Variants in SYNJ2BP observed in about 807,000 individuals in gnomAD.
SYNJ2BP encodes the protein synaptojanin-2-binding protein.
Under a neutral mutation model 16.9 loss-of-function variants are expected in SYNJ2BP, and 10 were observed. That is an observed-to-expected ratio of 0.59 (90% CI 0.36 to 1.00). The LOEUF (loss-of-function observed/expected upper bound fraction) is 1.00. Among genes scored for constraint, SYNJ2BP ranks in the 50% least tolerant of loss-of-function variants. The pLI is 0.01. For missense variants in SYNJ2BP, 162 were observed against 186.7 expected (o/e 0.87, Z 0.77); for synonymous variants, 54 against 68.4 (o/e 0.79, Z 1.04).
chr14:70,404,212 T>C (rs1344096986), intron 1 of SYNJ2BP, among the ~76,000 whole-genome samples: 2 of 151,632 alleles, frequency 1.3e-5, no homozygotes, highest in Non-Finnish European at 2.9e-5. Flanking sequence ...GGTGCACTAC[T>C]GTAGGCCTGG....
rs1887544940 is a variant in SYNJ2BP, at chr14:70,372,845, G to A, written c.*146C>T. On this transcript the variant is annotated 3_prime_UTR_variant, in exon 4 of 4. Coordinates refer to ENST00000256366, the MANE Select transcript of SYNJ2BP (RefSeq NM_018373.3). ...CTTTCCCATTAGAATATGAAGAATTGGAGACTGTGAACAGCAAGGTTTGGG... is the reference window on the plus strand; with the variant it reads ...CTTTCCCATTAGAATATGAAGAATTAGAGACTGTGAACAGCAAGGTTTGGG... The A allele has an allele frequency of 4.2e-6, 5 of 1,176,500 alleles. No individual in the cohort carries two copies. The highest frequency in any genetic ancestry group is 3.1e-5 in the African/African-American group (2 of 65,034). 72.9% of individuals were successfully genotyped at this position (1,176,500 alleles called of 1,614,324 possible).
intron 2 of SYNJ2BP, among the ~76,000 whole-genome samples, chr14:70,385,054 TA>T (rs1363048209): frequency 3.3e-5 from 5 of 152,208 alleles, no homozygotes; most frequent in Non-Finnish European, 5.9e-5. Flanking sequence ...TTGTAATATT[TA>T]ATATCTTTTT....
rs1887445034 is a variant in SYNJ2BP, at chr14:70,368,558, A to G, written c.*4433T>C. On this transcript the variant is annotated 3_prime_UTR_variant, in exon 4 of 4. Coordinates refer to ENST00000256366, the MANE Select transcript of SYNJ2BP (RefSeq NM_018373.3). ...TCTATGATTGGTTCTCATTTAATTG[A>G]TGCACCAACTGAAACACTCACTAAT... is the stretch of plus-strand genomic sequence containing the variant. The G allele has an allele frequency of 6.6e-6, 1 of 152,084 alleles. No homozygotes were observed. 9.4% of individuals were successfully genotyped at this position (152,084 alleles called of 1,614,324 possible). A position where few individuals can be genotyped will look rare whatever the true frequency, so the allele number is the denominator to read the frequency against.
rs1234666678 is a variant in SYNJ2BP, at chr14:70,370,069, G to A, written c.*2922C>T. 6.6e-6 allele frequency: 1 copy of A among 152,124 alleles called. No homozygotes were observed. Among genetic ancestry groups the A allele is most frequent in the Non-Finnish European group, 1.5e-5 (1 of 68,026 alleles). 9.4% of individuals were successfully genotyped at this position (152,124 alleles called of 1,614,324 possible). A position where few individuals can be genotyped will look rare whatever the true frequency, so the allele number is the denominator to read the frequency against. Reference sequence around the variant, plus strand: ...AAACTGTATTACATTGATCTTCAATGCTACTTAATTTCTGAGAAAACCTAA... The same window carrying A: ...AAACTGTATTACATTGATCTTCAATACTACTTAATTTCTGAGAAAACCTAA... On this transcript the variant is annotated 3_prime_UTR_variant, in exon 4 of 4. Coordinates refer to ENST00000256366, the MANE Select transcript of SYNJ2BP (RefSeq NM_018373.3).
chr14:70,388,483 T>A lies in SYNJ2BP; in HGVS notation c.188A>T (p.Asp63Val). The change falls in exon 2 of 4, where the codon GAT (aspartate) becomes GTT (valine). Residue 63 changes from aspartate to valine, a missense_variant. Asp to Val is a radical substitution (Grantham distance 152, BLOSUM62 -3). Transcript: ENST00000256366. ...AALDGRLQEG[D>V]KILSVNGQDL... ...GCCCATTCTCACCGAAAGGATCTTA[T>A]CACCCTCCTGGAGCCGCCCATCCAG... The A allele has an allele frequency of 6.3e-7, 1 of 1,577,030 alleles. No homozygotes were observed. The highest frequency in any genetic ancestry group is 2.3e-5 in the East Asian group (1 of 42,944).
intron 1 of SYNJ2BP, among the ~76,000 whole-genome samples, chr14:70,394,333 G>A (rs7160153): frequency 2.0e-5 from 3 of 152,032 alleles, no homozygotes; most frequent in Non-Finnish European, 2.9e-5. Flanking sequence ...AAAAGAACCT[G>A]AGAGGAACAT....
intron 1 of SYNJ2BP, among the ~76,000 whole-genome samples, chr14:70,411,031 A>G (rs1470725403): frequency 6.6e-6 from 1 of 152,206 alleles, no homozygotes; most frequent in Non-Finnish European, 1.5e-5. Flanking sequence ...GAAAATAAGA[A>G]ATAAAATATA....
At chr14:70,410,926 C>T (rs536198819) in intron 1 of SYNJ2BP, among the ~76,000 whole-genome samples, 48 of 151,834 alleles carry the variant, frequency 3.2e-4, no homozygotes, top group Admixed American at 1.2e-3. Context: ...ACCTGGGTGA[C>T]GAAAAAATCT....
rs544925989 is a variant in SYNJ2BP at position 70,401,481 on chromosome 14, A to G, written c.65-12875T>C. Among the ~76,000 whole-genome samples the G allele has an allele frequency of 2.4e-3, 366 of 150,038 alleles. 2 individuals are homozygous for G. Among genetic ancestry groups the G allele is most frequent in the Non-Finnish European group, 4.1e-3 (279 of 67,720 alleles). On this transcript the variant is annotated intron_variant, in intron 1 of 3. Coordinates refer to ENST00000256366, the MANE Select transcript of SYNJ2BP (RefSeq NM_018373.3). ...ATTTAGGCTATCTTTTGTGGGGGGG[A>G]AAGGACTTTCTGCTTTTTTCCTCTC...
At chr14:70,384,219 C>T (rs578000644) in intron 2 of SYNJ2BP, among the ~76,000 whole-genome samples, 126 of 152,212 alleles carry the variant, frequency 8.3e-4, no homozygotes, top group Non-Finnish European at 1.5e-3. Context: ...AATCAGCTAT[C>T]TAAAATAGGT....
At chr14:70,396,628 ATATATG>A (rs1888105472) in intron 1 of SYNJ2BP, among the ~76,000 whole-genome samples, 1 of 151,266 alleles carries the variant, frequency 6.6e-6, no homozygotes, top group African/African-American at 2.4e-5. Context: ...ATATTTATAT[ATATATG>A]TATGTGTATA....
chr14:70,398,040 T>C (rs376396412), intron 1 of SYNJ2BP, among the ~76,000 whole-genome samples: 553 of 49,766 alleles, frequency 0.011, no homozygotes, highest in South Asian at 0.024. Context: ...TGTTCAACTC[T>C]CAGCAGAGAG....
Position 70,371,992 on chromosome 14 carries a change from G to A in SYNJ2BP, c.*999C>T, listed in dbSNP as rs903815078. ...ACTAGGGCAGCCCAGAGATTGGTAC[G>A]ATTTACCTTTACACCTCAAAGTTTT... On this transcript the variant is annotated 3_prime_UTR_variant, in exon 4 of 4. Transcript: ENST00000256366. The A allele has an allele frequency of 2.6e-5, 4 of 152,180 alleles. No homozygotes were observed. The highest frequency in any genetic ancestry group is 7.2e-5 in the African/African-American group (3 of 41,426). 9.4% of individuals were successfully genotyped at this position (152,180 alleles called of 1,614,324 possible). A position where few individuals can be genotyped will look rare whatever the true frequency, so the allele number is the denominator to read the frequency against.
chr14:70,406,458 C>A (rs905135361), intron 1 of SYNJ2BP, among the ~76,000 whole-genome samples: 1 of 152,172 alleles, frequency 6.6e-6, no homozygotes, highest in Non-Finnish European at 1.5e-5. Context: ...CTGAAATAAA[C>A]CCCCTTCTTG....
chr14:70,398,377 C>A (rs1050588804), intron 1 of SYNJ2BP, among the ~76,000 whole-genome samples: 1 of 152,172 alleles, frequency 6.6e-6, no homozygotes, highest in African/African-American at 2.4e-5. Flanking sequence ...CCATCCATGG[C>A]GACCAGCCTG....
chr14:70,382,151 G>A (rs755444138), intron 2 of SYNJ2BP, among the ~76,000 whole-genome samples: 4 of 152,192 alleles, frequency 2.6e-5, no homozygotes, highest in Admixed American at 2.6e-4. Flanking sequence ...CAGGAGAATG[G>A]AGTGAACCCG....
intron 1 of SYNJ2BP, among the ~76,000 whole-genome samples, chr14:70,393,800 T>G (rs1888029297): frequency 1.4e-5 from 2 of 145,362 alleles, no homozygotes; most frequent in Non-Finnish European, 1.5e-5. Flanking sequence ...CCAGGGCCTG[T>G]CAGGGGGTGG....
intron 1 of SYNJ2BP, among the ~76,000 whole-genome samples, chr14:70,405,146 A>T (rs889560676): frequency 1.3e-5 from 2 of 152,130 alleles, no homozygotes; most frequent in Middle Eastern, 6.8e-3. Flanking sequence ...CAATCAAATC[A>T]ATCAATGATA....
intron 1 of SYNJ2BP, among the ~76,000 whole-genome samples, chr14:70,415,173 T>TAA (rs35018690): frequency 0.75 from 102,058 of 136,806 alleles, 37,552 homozygotes; most frequent in Non-Finnish European, 0.83. Context: ...ACCTCGTCTC[T>TAA]AAAAAAAAAA....
Sources: allele counts gnomAD v4.1 joint callset (sites outside exome capture counted in the v4.1 genomes callset), GRCh38; gene constraint gnomAD v4.1.1; transcripts MANE v1.5; gene names NCBI Gene and HGNC (gene_info 2026-07-23, HGNC 2026-07-21).